PPP6R2: variants seen among roughly 807,000 people sequenced by gnomAD.
The protein encoded by PPP6R2 is serine/threonine-protein phosphatase 6 regulatory subunit 2.
Under a neutral mutation model 100.2 loss-of-function variants are expected in PPP6R2, and 62 were observed. That is an observed-to-expected ratio of 0.62 (90% CI 0.50 to 0.76). PPP6R2 has a LOEUF of 0.76. Ranked by LOEUF, PPP6R2 falls within the 30% of genes least tolerant of loss-of-function variation. The pLI is 0.00. For synonymous variants in PPP6R2, 525 were observed against 514.7 expected, an observed-to-expected ratio of 1.02 and a Z score of -0.27; for missense variants, 1,142 against 1,276.3, an observed-to-expected ratio of 0.89 and a Z score of 1.60.
At chr22:50,402,950 C>T (rs1385745823) in intron 3 of PPP6R2, among the ~76,000 whole-genome samples, 2 of 152,166 alleles carry the variant, frequency 1.3e-5, no homozygotes, top group Admixed American at 6.5e-5. Context: ...TGGTGGCTCA[C>T]GCCTGTAATC....
upstream of PPP6R2, among the ~76,000 whole-genome samples, chr22:50,341,376 T>A (rs926454228): frequency 6.6e-6 from 1 of 152,042 alleles, no homozygotes; most frequent in Non-Finnish European, 1.5e-5. Context: ...GCTAGTTTTT[T>A]AATTTTTTGT....
intron 1 of PPP6R2, among the ~76,000 whole-genome samples, chr22:50,363,761 G>T (rs2048227508): frequency 6.6e-6 from 1 of 152,316 alleles, no homozygotes; most frequent in African/African-American, 2.4e-5. Context: ...TCAGGATCCA[G>T]TCTCTGCTGT....
At chr22:50,387,048 G>A (rs919965568) in intron 2 of PPP6R2, among the ~76,000 whole-genome samples, 5 of 152,104 alleles carry the variant, frequency 3.3e-5, no homozygotes, top group African/African-American at 9.7e-5. Flanking sequence ...CTTTATGTAT[G>A]TATTAAATTA....
intron 2 of PPP6R2, among the ~76,000 whole-genome samples, chr22:50,374,564 A>G (rs2051011240): frequency 6.6e-6 from 1 of 152,196 alleles, no homozygotes; most frequent in African/African-American, 2.4e-5. Context: ...GAAACTAATA[A>G]AAGACCTAAA....
At chr22:50,343,681 G>GT (rs140093825) in intron 1 of PPP6R2, 131 bp downstream of exon 1, 15,532 of 85,520 alleles carry the variant, frequency 0.18, 2,385 homozygotes, top group African/African-American at 0.41. Flanking sequence ...CCTCCAGTCA[G>GT]TTCCCCCCAG....
At chr22:50,419,896 C>T (rs757182123) in intron 8 of PPP6R2, among the ~76,000 whole-genome samples, 12 of 152,238 alleles carry the variant, frequency 7.9e-5, no homozygotes, top group Non-Finnish European at 1.3e-4. Context: ...TGACACTCAC[C>T]GCTGTCTCCC....
At chr22:50,422,035 G>A (rs764482992) in intron 8 of PPP6R2, among the ~76,000 whole-genome samples, 2 of 152,082 alleles carry the variant, frequency 1.3e-5, no homozygotes, top group Non-Finnish European at 1.5e-5. Context: ...CTCGGATGTC[G>A]CAAGCAAGCA....
chr22:50,424,508 G>C (rs796135352), intron 10 of PPP6R2, among the ~76,000 whole-genome samples: 19 of 151,214 alleles, frequency 1.3e-4, no homozygotes, highest in African/African-American at 3.9e-4. Context: ...GCGTGTGGAA[G>C]GTCTGTCCGC....
intron 1 of PPP6R2, among the ~76,000 whole-genome samples, chr22:50,361,499 T>C (rs2047784435): frequency 6.6e-6 from 1 of 152,170 alleles, no homozygotes; most frequent in Admixed American, 6.6e-5. Flanking sequence ...GGCAGTTTGT[T>C]GGCTCTTACT....
upstream of PPP6R2, among the ~76,000 whole-genome samples, chr22:50,340,580 G>GGTGTGTGGT (rs1286691953): frequency 2.0e-4 from 24 of 120,780 alleles, no homozygotes; most frequent in Middle Eastern, 9.8e-3. Flanking sequence ...TGTGGTATGT[G>GGTGTGTGGT]GTGTGTGGTG....
At position 50,423,484 on chromosome 22, in the gene PPP6R2, T is replaced by C. The variant is rs148271691; in HGVS notation, c.995T>C (p.Ile332Thr). The stretch of plus-strand genomic sequence containing the variant: ...CAGAAGAAAGCGATCCTGACCACCA[T>C]TGGTGTGCTGGAGGAGCCCCTGGGG... ...PPKKKAILTTIGVLEEPLGNA... is the reference protein window; with the variant it reads ...PPKKKAILTTTGVLEEPLGNA... The change falls in exon 10 of 24, where the codon ATT becomes ACT. Residue 332 changes from isoleucine (I) to threonine (T), a missense_variant. Ile to Thr is a moderately conservative substitution (Grantham distance 89). Coordinates refer to ENST00000612753, the MANE Select transcript of PPP6R2 (RefSeq NM_001242898.2). This position sits in a 1 kb window ranked among gnomAD's most constrained non-coding sequence, Gnocchi z 4.8. 2.4e-4 allele frequency: 394 copies of C among 1,614,220 alleles called. No homozygotes were observed. Among genetic ancestry groups the C allele is most frequent in the East Asian group, 5.6e-4 (25 of 44,888 alleles).
At chr22:50,367,987 G>T (rs1046194220) in intron 1 of PPP6R2, among the ~76,000 whole-genome samples, 1 of 152,252 alleles carries the variant, frequency 6.6e-6, no homozygotes, top group Non-Finnish European at 1.5e-5. Context: ...CGAGTCACGT[G>T]TCCACTGGAC....
chr22:50,393,239 C>G (rs1301738247), intron 2 of PPP6R2, among the ~76,000 whole-genome samples: 1 of 152,064 alleles, frequency 6.6e-6, no homozygotes, highest in African/African-American at 2.4e-5. Context: ...TGAGGAGGTG[C>G]CTGCTTCAGA....
rs1437724297 is a variant in PPP6R2, at chr22:50,439,758, G to A, written c.2186G>A (p.Gly729Glu). The A allele has an allele frequency of 3.1e-6, 5 of 1,613,552 alleles. No homozygotes were observed. The South Asian group carries it at 5.5e-5, about 18-fold the overall frequency. The stretch of plus-strand genomic sequence containing the variant: ...GCGAACTCAACGCCCACAGCCCCAG[G>A]AGTGGTGAGGGACGTGGGTTCCAGT... The part of the protein sequence containing the change: ...EPANSTPTAP[G>E]VVRDVGSSVW... The change falls in exon 20 of 24, where the codon GGA (glycine) becomes GAA (glutamate). Residue 729 changes from glycine to glutamate, a missense_variant. This residue lies in a region of PPP6R2 where 550 missense variants were observed against 517.4 expected (regional missense o/e 1.06). Coordinates refer to ENST00000612753, the MANE Select transcript of PPP6R2 (RefSeq NM_001242898.2).
At chr22:50,436,936 T>G in intron 14 of PPP6R2, 52 bp from the exon 15 acceptor site, 1 of 1,462,034 alleles carries the variant, frequency 6.8e-7, no homozygotes. Context: ...CTGGGTGGGG[T>G]CTGGGGCGCT....
At chr22:50,422,421 C>G (rs776388255) in intron 9 of PPP6R2, 41 bp downstream of exon 9, 1 of 1,604,482 alleles carries the variant, frequency 6.2e-7, no homozygotes, top group East Asian at 2.2e-5. Flanking sequence ...TTGGAGGCGT[C>G]GCAGGAGAGG....
intron 1 of PPP6R2, among the ~76,000 whole-genome samples, chr22:50,349,979 G>C (rs976198679): frequency 6.6e-6 from 1 of 151,896 alleles, no homozygotes; most frequent in Non-Finnish European, 1.5e-5. Flanking sequence ...TTAGCCAGGC[G>C]TGGTGGTGCA....
intron 22 of PPP6R2, among the ~76,000 whole-genome samples, chr22:50,442,742 C>A (rs1259778810): frequency 6.6e-6 from 1 of 151,034 alleles, no homozygotes; most frequent in African/African-American, 2.4e-5. Context: ...TTAGTAGAGA[C>A]GGGGTTTCAC....
At chr22:50,338,725 G>GT (rs2042332557), upstream of PPP6R2, among the ~76,000 whole-genome samples, 1 of 139,352 alleles carries the variant, frequency 7.2e-6, no homozygotes, top group African/African-American at 2.7e-5. Flanking sequence ...GTGTGTGTGT[G>GT]GTGTGTAGTG....
Sources: allele counts gnomAD v4.1 joint callset (sites outside exome capture counted in the v4.1 genomes callset), GRCh38; gene constraint gnomAD v4.1.1; regional missense constraint gnomAD v4.1.1; non-coding constraint Gnocchi (gnomAD v3.1); transcripts MANE v1.5; gene names NCBI Gene and HGNC (gene_info 2026-07-23, HGNC 2026-07-21).